The following PILRA variants were observed in gnomAD, a reference collection of about 807,000 sequenced individuals.
The protein encoded by PILRA is paired immunoglobin like type 2 receptor alpha, also known as paired immunoglobulin-like type 2 receptor alpha.
In PILRA, 37 loss-of-function variants were observed where a neutral mutation model predicts 33.1. That is an observed-to-expected ratio of 1.12 (90% confidence interval 0.86 to 1.47). PILRA has a LOEUF of 1.47. Among genes scored for constraint, PILRA ranks in the 40% most tolerant of loss-of-function variants. The probability of loss-of-function intolerance (pLI) is 0.00; values close to 1 mark genes in which losing one functional copy is unlikely to be tolerated. For missense variants in PILRA, 312 were observed against 376.2 expected (o/e 0.83, Z 1.41); for synonymous variants, 146 against 149.9 (o/e 0.97, Z 0.19).
chr7:100,374,523 A>C, intron 2 of PILRA, 90 bp downstream of exon 2: 1 of 1,474,308 alleles, frequency 6.8e-7, no homozygotes, highest in Non-Finnish European at 9.4e-7. Context: ...CTCAGACCCC[A>C]CTTCTTCTGA....
chr7:100,390,964 A>G (rs538158654), intron 3 of PILRA, among the ~76,000 whole-genome samples: 1 of 151,928 alleles, frequency 6.6e-6, no homozygotes, highest in African/African-American at 2.4e-5. Context: ...AGTGCAGTGC[A>G]GGGGTGAGGT....
Position 100,374,318 on chromosome 7 carries a change from C to T in PILRA, c.339C>T (p.Ser113=). ...AGAAGAGCGGCTTCCTCAGGATCTC[C>T]AACCTGCAGAAGCAGGACCAGTCTG... The part of the protein sequence containing the change: ...EGQKSGFLRI[S]NLQKQDQSVY... Residue 113 remains serine (S), a synonymous_variant, in exon 2 of 7, where the codon TCC becomes TCT. Transcript: ENST00000198536. 1.9e-6 allele frequency: 3 copies of T among 1,614,086 alleles called. No individual in the cohort carries two copies. The highest frequency in any genetic ancestry group is 2.2e-5 in the South Asian group (2 of 91,076).
intron 3 of PILRA, among the ~76,000 whole-genome samples, chr7:100,392,269 A>G (rs1488299283): frequency 1.3e-5 from 2 of 152,198 alleles, no homozygotes; most frequent in African/African-American, 4.8e-5. Flanking sequence ...AGAGAGTACC[A>G]CTGCACTCCA....
At chr7:100,383,678 C>T (rs1233658388) in intron 2 of PILRA, among the ~76,000 whole-genome samples, 1 of 151,590 alleles carries the variant, frequency 6.6e-6, no homozygotes, top group African/African-American at 2.4e-5. Flanking sequence ...GCTCTGTCGC[C>T]CAGGCTGGAG....
intron 2 of PILRA, among the ~76,000 whole-genome samples, chr7:100,381,748 C>G (rs1791100549): frequency 6.6e-6 from 1 of 152,130 alleles, no homozygotes; most frequent in Admixed American, 6.5e-5. Context: ...CGGGCGGGAA[C>G]CGGGGCTGCG....
chr7:100,387,819 ATCT>A (rs1320756270), intron 2 of PILRA, among the ~76,000 whole-genome samples: 3 of 152,148 alleles, frequency 2.0e-5, no homozygotes, highest in African/African-American at 4.8e-5. Context: ...AGTCTTGTCT[ATCT>A]TCTTCTTGTT....
chr7:100,382,207 G>A (rs1791121530), intron 2 of PILRA, among the ~76,000 whole-genome samples: 1 of 152,212 alleles, frequency 6.6e-6, no homozygotes, highest in Non-Finnish European at 1.5e-5. Flanking sequence ...GAGTCTAGTG[G>A]GGACTTGGAG....
intron 2 of PILRA, among the ~76,000 whole-genome samples, chr7:100,378,270 T>C (rs1790999574): frequency 6.6e-6 from 1 of 151,988 alleles, no homozygotes; most frequent in Non-Finnish European, 1.5e-5. Flanking sequence ...GAGGATCGCT[T>C]GAGGCCAGGA....
In PILRA at chr7:100,389,991, C is replaced by G. The variant is rs750190236; in HGVS notation, c.558C>G (p.Arg186=). 6.2e-7 allele frequency: 1 copy of G among 1,614,020 alleles called. No individual in the cohort carries two copies. Among genetic ancestry groups the G allele is most frequent in the Non-Finnish European group, 8.5e-7 (1 of 1,180,016 alleles). ...TGLRVTQGKR[R]SDSWHISLET... Reference sequence around the variant, plus strand: ...TCAGGGTCACACAGGGCAAACGACGCTCAGACTCTTGGCACATAAGTCTGG... The same window carrying G: ...TCAGGGTCACACAGGGCAAACGACGGTCAGACTCTTGGCACATAAGTCTGG... Residue 186 remains arginine (R), a synonymous_variant, in exon 3 of 7, where the codon CGC becomes CGG. Coordinates refer to ENST00000198536, the MANE Select transcript of PILRA (RefSeq NM_013439.3).
chr7:100,389,782 C>A, intron 2 of PILRA, 106 bp from the exon 3 acceptor site: 1 of 883,432 alleles, frequency 1.1e-6, no homozygotes, highest in Non-Finnish European at 1.9e-6. Flanking sequence ...GAGAGGAGCT[C>A]CCTCACCACT....
chr7:100,373,856 G>T, intron 1 of PILRA, 136 bp downstream of exon 1: 1 of 1,315,172 alleles, frequency 7.6e-7, no homozygotes, highest in East Asian at 2.5e-5. Flanking sequence ...ACAGGGGCGG[G>T]TGACCCCATC....
chr7:100,373,968 AGGGTCTG>A, intron 1 of PILRA, 69 bp from the exon 2 acceptor site: 1 of 1,553,264 alleles, frequency 6.4e-7, no homozygotes, highest in Non-Finnish European at 8.7e-7. Flanking sequence ...AAGGTGCGGG[AGGGTCTG>A]GGGTCACCCT....
Position 100,373,619 on chromosome 7 carries a change from T to C in PILRA, c.-38T>C, listed in dbSNP as rs768309098. On this transcript the variant is annotated 5_prime_UTR_variant, in exon 1 of 7. Coordinates refer to ENST00000198536, the MANE Select transcript of PILRA (RefSeq NM_013439.3). ...AGGGCCCCTCTCCTGCCTGGACGGC[T>C]CTGCTGGTCTCCCCGTCCCCTGGAG... 1.2e-6 allele frequency: 2 copies of C among 1,612,152 alleles called. No individual in the cohort carries two copies. The highest frequency in any genetic ancestry group is 8.5e-7 in the Non-Finnish European group (1 of 1,179,244).
chr7:100,372,378 A>G (rs1790837419), upstream of PILRA, among the ~76,000 whole-genome samples: 1 of 152,094 alleles, frequency 6.6e-6, no homozygotes, highest in South Asian at 2.1e-4. Flanking sequence ...AAGAGAAGGG[A>G]GGCCCGTCCC....
At chr7:100,385,143 T>A (rs996436861) in intron 2 of PILRA, among the ~76,000 whole-genome samples, 1 of 152,212 alleles carries the variant, frequency 6.6e-6, no homozygotes, top group Non-Finnish European at 1.5e-5. Flanking sequence ...AATATTCGCA[T>A]GCTGTTTAGA....
chr7:100,392,818 A>C (rs1411214338), intron 3 of PILRA, among the ~76,000 whole-genome samples: 1 of 152,202 alleles, frequency 6.6e-6, no homozygotes, highest in Admixed American at 6.5e-5. Flanking sequence ...GAGAAAAAAT[A>C]ACATTATCTC....
At chr7:100,399,452 T>G in intron 5 of PILRA, 112 bp downstream of exon 5, 3 of 1,376,468 alleles carry the variant, frequency 2.2e-6, no homozygotes, top group Non-Finnish European at 3.1e-6. Flanking sequence ...TTTCCATTCC[T>G]TGCCCCTTGC....
At chr7:100,375,730 T>TCAAACAAATAAA (rs148895603) in intron 2 of PILRA, among the ~76,000 whole-genome samples, 2,182 of 151,864 alleles carry the variant, frequency 0.014, 56 homozygotes, top group African/African-American at 0.051. Context: ...AGACTCCGCC[T>TCAAACAAATAAA]CAAACAAACA....
chr7:100,382,877 A>G (rs936663362), intron 2 of PILRA, among the ~76,000 whole-genome samples: 4 of 152,160 alleles, frequency 2.6e-5, no homozygotes, highest in African/African-American at 7.2e-5. Flanking sequence ...ACATCCAAAC[A>G]TCAGAAGGAA....
Sources: gnomAD v4.1 joint callset for allele counts (sites outside exome capture counted in the v4.1 genomes callset) on GRCh38, gnomAD v4.1.1 for gene constraint, MANE v1.5 for transcripts, NCBI Gene and HGNC (gene_info 2026-07-23, HGNC 2026-07-21) for gene names.